Variants in UNC79 observed in about 807,000 individuals in gnomAD.
The protein encoded by UNC79 is protein unc-79 homolog.
UNC79 carries 37 observed loss-of-function variants against 283.1 expected under a neutral mutation model. That is an observed-to-expected ratio of 0.13 (90% CI 0.10 to 0.17). The LOEUF is 0.17. Among genes scored for constraint, UNC79 ranks in the 10% least tolerant of loss-of-function variants. The probability of loss-of-function intolerance (pLI) is 1.00; values close to 1 mark genes in which losing one functional copy is unlikely to be tolerated. For synonymous variants in UNC79, 1,107 were observed against 1,200.2 expected (o/e 0.92, Z 1.61); for missense variants, 2,272 against 3,211.1 (o/e 0.71, Z 7.07).
chr14:93,505,773 C>A (rs919721563), intron 7 of UNC79, among the ~76,000 whole-genome samples: 8 of 148,300 alleles, frequency 5.4e-5, no homozygotes, highest in African/African-American at 2.0e-4. Context: ...TTAAATATTT[C>A]ATCACCCCAT....
At chr14:93,390,924 A>AT (rs149825345) in intron 1 of UNC79, among the ~76,000 whole-genome samples, 2,655 of 152,186 alleles carry the variant, frequency 0.017, 40 homozygotes, top group South Asian at 0.074. Context: ...ACAAAATTCC[A>AT]TTTTTTCTGT....
intron 31 of UNC79, 142 bp downstream of exon 33, chr14:93,631,050 A>G (rs750838388): frequency 1.8e-5 from 14 of 767,746 alleles, no homozygotes; most frequent in Non-Finnish European, 2.7e-5. Context: ...TATGTTGTAT[A>G]TTCTCAGAGA....
intron 1 of UNC79, among the ~76,000 whole-genome samples, chr14:93,419,842 T>C (rs111760556): frequency 4.2e-4 from 64 of 151,612 alleles, no homozygotes; most frequent in African/African-American, 1.5e-3. Context: ...GGTAAGACGA[T>C]TGCTTGAGGC....
intron 14 of UNC79, among the ~76,000 whole-genome samples, chr14:93,556,357 C>T (rs2062173815): frequency 6.6e-6 from 1 of 152,132 alleles, no homozygotes; most frequent in Non-Finnish European, 1.5e-5. Flanking sequence ...AAAAAATATG[C>T]CTCTTATTTA....
At chr14:93,604,680 T>C (rs1373064768) in intron 26 of UNC79, among the ~76,000 whole-genome samples, 1 of 152,262 alleles carries the variant, frequency 6.6e-6, no homozygotes, top group Non-Finnish European at 1.5e-5. Context: ...TTAATTCACA[T>C]GACAATTTTG....
At chr14:93,466,090 A>C (rs2057166224) in intron 1 of UNC79, among the ~76,000 whole-genome samples, 1 of 152,220 alleles carries the variant, frequency 6.6e-6, no homozygotes, top group Non-Finnish European at 1.5e-5. Context: ...TTTACTACCA[A>C]ATATTTATGG....
intron 1 of UNC79, among the ~76,000 whole-genome samples, chr14:93,339,602 A>T (rs1431585619): frequency 6.6e-6 from 1 of 152,144 alleles, no homozygotes; most frequent in Non-Finnish European, 1.5e-5. Flanking sequence ...CCCGGCCTAG[A>T]TGGCCATTTT....
Position 93,361,101 on chromosome 14 carries a change from C to G in UNC79, c.-351+27578C>G, listed in dbSNP as rs887548282. ...TGGTGGTACACGCCTGTAATCCCAGCTACTCAGGAGTCTGAGTTAGGAGAA... is the reference window on the plus strand; with the variant it reads ...TGGTGGTACACGCCTGTAATCCCAGGTACTCAGGAGTCTGAGTTAGGAGAA... On this transcript the variant is annotated intron_variant, in intron 1 of 49. Coordinates refer to the UNC79 transcript ENST00000256339. Among the ~76,000 whole-genome samples the G allele has an allele frequency of 3.3e-5, 5 of 150,002 alleles. No homozygotes were observed. The South Asian group carries it at 8.4e-4, about 25-fold the overall frequency.
At chr14:93,552,502 T>G (rs2061950999) in intron 14 of UNC79, among the ~76,000 whole-genome samples, 1 of 152,160 alleles carries the variant, frequency 6.6e-6, no homozygotes, top group Non-Finnish European at 1.5e-5. Context: ...CAGAAAATAA[T>G]ATTAAAAAGC....
At chr14:93,496,550 GT>G in intron 6 of UNC79, 84 bp downstream of exon 6, 1 of 918,110 alleles carries the variant, frequency 1.1e-6, no homozygotes, top group South Asian at 2.9e-5. Flanking sequence ...TAAAACTGTT[GT>G]TTAGGTCAAA....
chr14:93,345,670 AAGAC>A (rs1220641195), intron 1 of UNC79, among the ~76,000 whole-genome samples: 2 of 152,170 alleles, frequency 1.3e-5, no homozygotes, highest in African/African-American at 2.4e-5. Context: ...AAAAGGTTGA[AAGAC>A]AGAGGTGACC....
At chr14:93,563,740 G>C (rs1366896447) in intron 14 of UNC79, among the ~76,000 whole-genome samples, 1 of 152,154 alleles carries the variant, frequency 6.6e-6, no homozygotes, top group Non-Finnish European at 1.5e-5. Context: ...ATGTCAGGTA[G>C]ATCAGAGAGA....
At chr14:93,625,080 T>A (rs191045418) in intron 30 of UNC79, among the ~76,000 whole-genome samples, 10 of 152,330 alleles carry the variant, frequency 6.6e-5, no homozygotes, top group Admixed American at 1.3e-4. Flanking sequence ...CCCTGTGTCC[T>A]AGGAAATTCA....
At chr14:93,347,479 C>T (rs951853481) in intron 1 of UNC79, 3 of 1,345,514 alleles carry the variant, frequency 2.2e-6, no homozygotes, top group African/African-American at 1.6e-5. Context: ...AGGGAGGACA[C>T]GGCGTGCAGG....
intron 12 of UNC79, among the ~76,000 whole-genome samples, chr14:93,538,690 G>C (rs189792291): frequency 7.2e-4 from 109 of 151,844 alleles, no homozygotes; most frequent in Middle Eastern, 3.4e-3. Flanking sequence ...AAACAGGTGC[G>C]GGACAACTCC....
upstream of UNC79, among the ~76,000 whole-genome samples, chr14:93,429,421 C>T (rs906824678): frequency 6.6e-6 from 1 of 152,156 alleles, no homozygotes. Flanking sequence ...ATTCACTAAC[C>T]CTTTATGAAC....
intron 40 of UNC79, among the ~76,000 whole-genome samples, chr14:93,666,549 C>T (rs963512078): frequency 6.6e-6 from 1 of 152,062 alleles, no homozygotes; most frequent in Non-Finnish European, 1.5e-5. Flanking sequence ...GAGCAACTCA[C>T]CAGGATAATG....
At chr14:93,490,234 A>C (rs983076585) in intron 5 of UNC79, among the ~76,000 whole-genome samples, 2 of 152,096 alleles carry the variant, frequency 1.3e-5, no homozygotes, top group African/African-American at 4.8e-5. Flanking sequence ...GTTTTGGACA[A>C]TACCTCCTGG....
intron 42 of UNC79, among the ~76,000 whole-genome samples, chr14:93,683,615 A>G (rs2074013685): frequency 6.6e-6 from 1 of 152,190 alleles, no homozygotes; most frequent in Admixed American, 6.5e-5. Flanking sequence ...TAGCTAAAAA[A>G]ATAATGTCCC....
Sources: allele counts gnomAD v4.1 joint callset (sites outside exome capture counted in the v4.1 genomes callset), GRCh38; gene constraint gnomAD v4.1.1; transcripts MANE v1.5; gene names NCBI Gene and HGNC (gene_info 2026-07-23, HGNC 2026-07-21).